PREX1: variants seen among roughly 807,000 people sequenced by gnomAD.
The protein encoded by PREX1 is phosphatidylinositol-3,4,5-trisphosphate dependent Rac exchange factor 1.
PREX1 carries 41 observed loss-of-function variants against 198.3 expected under a neutral mutation model. The observed-to-expected ratio is 0.21, with a 90% confidence interval of 0.16 to 0.27. The LOEUF (loss-of-function observed/expected upper bound fraction) is 0.27. Among genes scored for constraint, PREX1 ranks in the 10% least tolerant of loss-of-function variants. PREX1 has a pLI of 1.00. For missense variants in PREX1, 1,620 were observed against 2,200.7 expected (o/e 0.74, Z 5.28); for synonymous variants, 843 against 887.2 (o/e 0.95, Z 0.89).
rs116871951 is a variant in PREX1, at chr20:48,696,144, C to T, written c.918-3354G>A. ...AATTTAGTTCTCCTTTATAACTATA[C>T]TCTTTGTCCTGTTTAAGATATTTGC... On this transcript the variant is annotated intron_variant, in intron 7 of 39. Coordinates refer to ENST00000371941, the MANE Select transcript of PREX1 (RefSeq NM_020820.4). Among the ~76,000 whole-genome samples the T allele has an allele frequency of 2.3e-3, 346 of 152,294 alleles. 4 individuals carry two copies. In the East Asian group the frequency reaches 0.044, roughly 19 times the overall value.
intron 1 of PREX1, among the ~76,000 whole-genome samples, chr20:48,795,630 A>G (rs2090358802): frequency 6.6e-6 from 1 of 152,112 alleles, no homozygotes. Context: ...AGGAACCACC[A>G]AGATGCCCAT....
Position 48,632,543 on chromosome 20 carries a change from A to C in PREX1, c.4364T>G (p.Leu1455Arg), listed in dbSNP as rs1345478273. Residue 1455 changes from leucine to arginine, a missense_variant, in exon 34 of 40, where the codon CTG (leucine) becomes CGG (arginine). This residue lies in a region of PREX1 where 476 missense variants were observed against 603.4 expected (regional missense o/e 0.79). Coordinates refer to ENST00000371941, the MANE Select transcript of PREX1 (RefSeq NM_020820.4). ...CAGCCTCAGGCTGGCCCCACCCTCC[A>C]GGCGGGAGGGCAGCTTGGAGAAGTG... is the stretch of plus-strand genomic sequence containing the variant. ...SYHFSKLPSR[L>R]EGGASLRLHT... 1 of 1,613,788 alleles carries C rather than the reference A, an allele frequency of 6.2e-7. No individual in the cohort carries two copies. The highest frequency in any genetic ancestry group is 8.5e-7 in the Non-Finnish European group (1 of 1,179,868).
intron 1 of PREX1, among the ~76,000 whole-genome samples, chr20:48,772,358 G>T (rs1322118618): frequency 1.3e-5 from 2 of 152,236 alleles, no homozygotes; most frequent in Non-Finnish European, 2.9e-5. Context: ...AGGCGCAGGT[G>T]CGCAGCTCGT....
At chr20:48,820,232 G>A (rs1278281806) in intron 1 of PREX1, among the ~76,000 whole-genome samples, 1 of 152,244 alleles carries the variant, frequency 6.6e-6, no homozygotes, top group Non-Finnish European at 1.5e-5. Context: ...CTGGAAGGCT[G>A]GAGGGCTCTG....
intron 5 of PREX1, among the ~76,000 whole-genome samples, chr20:48,709,119 A>T (rs2089918191): frequency 6.6e-6 from 1 of 152,164 alleles, no homozygotes; most frequent in African/African-American, 2.4e-5. Flanking sequence ...CCAGCCAGTA[A>T]ATGTGATGGG....
At chr20:48,663,054 C>T (rs1268914794) in intron 15 of PREX1, among the ~76,000 whole-genome samples, 2 of 152,186 alleles carry the variant, frequency 1.3e-5, no homozygotes, top group African/African-American at 4.8e-5. Context: ...GAGGTAGACA[C>T]ATGAAAATGC....
At position 48,794,854 on chromosome 20, in the gene PREX1, C is replaced by T. The variant is rs76834155; in HGVS notation, c.219+32788G>A. On this transcript the variant is annotated intron_variant, in intron 1 of 39. Coordinates refer to ENST00000371941, the MANE Select transcript of PREX1 (RefSeq NM_020820.4). ...GCAGTCCTATGGGGAAGCTGTTTTA[C>T]AGATAAAGAAACTGAGGCACAGAAG... is the stretch of plus-strand genomic sequence containing the variant. Among the ~76,000 whole-genome samples, 29 of 152,276 alleles carry T rather than the reference C, an allele frequency of 1.9e-4. No individual in the cohort carries two copies. In the East Asian group the frequency reaches 5.4e-3, roughly 28 times the overall value.
At chr20:48,645,075 A>G (rs2089440672) in intron 26 of PREX1, among the ~76,000 whole-genome samples, 4 of 152,262 alleles carry the variant, frequency 2.6e-5, no homozygotes, top group Admixed American at 2.6e-4. Flanking sequence ...CTGGGGGCAC[A>G]AAGTGCCGCA....
intron 3 of PREX1, among the ~76,000 whole-genome samples, chr20:48,736,606 G>A (rs1435513288): frequency 6.6e-6 from 1 of 152,232 alleles, no homozygotes; most frequent in Non-Finnish European, 1.5e-5. Context: ...AGAGCTGGGT[G>A]AGTAGATGTC....
At chr20:48,653,721 G>A (rs1295041259) in intron 19 of PREX1, among the ~76,000 whole-genome samples, 1 of 152,210 alleles carries the variant, frequency 6.6e-6, no homozygotes, top group Non-Finnish European at 1.5e-5. Flanking sequence ...GCTGGCCCAA[G>A]GTCACGCAGC....
intron 1 of PREX1, among the ~76,000 whole-genome samples, chr20:48,761,837 G>C (rs1315262720): frequency 6.6e-6 from 1 of 152,186 alleles, no homozygotes; most frequent in Non-Finnish European, 1.5e-5. Context: ...AGAGGGGTTT[G>C]AGAAACTTGG....
the PREX1 span, among the ~76,000 whole-genome samples, chr20:48,874,066 C>G: frequency 7.9e-5 from 12 of 152,110 alleles, no homozygotes; most frequent in Non-Finnish European, 1.5e-4. Context: ...TTACTTAATA[C>G]AATGAGATCA....
At chr20:48,669,839 T>C (rs961719467) in intron 14 of PREX1, among the ~76,000 whole-genome samples, 9 of 152,128 alleles carry the variant, frequency 5.9e-5, no homozygotes, top group African/African-American at 2.2e-4. Flanking sequence ...GGAATGAAGA[T>C]GGAGAAGGCA....
At chr20:48,626,829 CAA>C (rs1189282997) in intron 39 of PREX1, among the ~76,000 whole-genome samples, 3 of 152,220 alleles carry the variant, frequency 2.0e-5, no homozygotes, top group Non-Finnish European at 4.4e-5. Context: ...TATTTCAAAA[CAA>C]GAGTTATTTA....
rs1272326592 is a variant in PREX1 at position 48,691,957 on chromosome 20, A to G, written c.1036+715T>C. Among the ~76,000 whole-genome samples, 1 of 152,160 alleles carries G rather than the reference A, an allele frequency of 6.6e-6. No individual in the cohort carries two copies. Among genetic ancestry groups the G allele is most frequent in the Non-Finnish European group, 1.5e-5 (1 of 68,016 alleles). ...CAGGCTGGAGTGCACTGGTGAAATC[A>G]TGGCTCACTGCAGCATCGAACTCCT... On this transcript the variant is annotated intron_variant, in intron 8 of 39. Coordinates refer to ENST00000371941, the MANE Select transcript of PREX1 (RefSeq NM_020820.4). The surrounding 1 kb of genome is among the most constrained non-coding windows in gnomAD (Gnocchi z 5.0).
chr20:48,846,464 C>G, the PREX1 span, among the ~76,000 whole-genome samples: 18 of 152,146 alleles, frequency 1.2e-4, no homozygotes, highest in African/African-American at 4.1e-4. Flanking sequence ...TCCTCCCCCA[C>G]CATCCTGCTG....
At chr20:48,801,114 T>C (rs1404270560) in intron 1 of PREX1, among the ~76,000 whole-genome samples, 2 of 152,188 alleles carry the variant, frequency 1.3e-5, no homozygotes, top group Non-Finnish European at 2.9e-5. Context: ...TCCCACAAGA[T>C]TGTGCAGCTG....
At chr20:48,839,093 C>T in the PREX1 span, among the ~76,000 whole-genome samples, 2 of 137,130 alleles carry the variant, frequency 1.5e-5, no homozygotes, top group African/African-American at 5.5e-5. Flanking sequence ...TGTTTGTTTT[C>T]TTTATACTTT....
At chr20:48,775,516 GA>G (rs900669526) in intron 1 of PREX1, among the ~76,000 whole-genome samples, 17 of 152,112 alleles carry the variant, frequency 1.1e-4, no homozygotes, top group African/African-American at 4.1e-4. Flanking sequence ...GGCTGGAGCA[GA>G]GTGAACAGGT....
Sources: gnomAD v4.1 joint callset for allele counts (sites outside exome capture counted in the v4.1 genomes callset) on GRCh38, gnomAD v4.1.1 for gene constraint, gnomAD v4.1.1 regional missense constraint, Gnocchi (gnomAD v3.1) non-coding constraint, MANE v1.5 for transcripts, NCBI Gene and HGNC (gene_info 2026-07-23, HGNC 2026-07-21) for gene names.